EMID1: variants seen among roughly 807,000 people sequenced by gnomAD.
The protein encoded by EMID1 is EMI domain-containing protein 1.
A neutral mutation model predicts 60.6 loss-of-function variants in EMID1; 40 were observed. That is an observed-to-expected ratio of 0.66 (90% CI 0.51 to 0.86). The LOEUF is 0.86. Ranked by LOEUF, EMID1 falls within the 40% of genes least tolerant of loss-of-function variation. The pLI is 0.00. For missense variants in EMID1, 585 were observed against 597.1 expected (o/e 0.98, Z 0.21); for synonymous variants, 242 against 231.0 (o/e 1.05, Z -0.43).
At chr22:29,208,245 T>G (rs2039750251) in intron 1 of EMID1, among the ~76,000 whole-genome samples, 1 of 152,156 alleles carries the variant, frequency 6.6e-6, no homozygotes, top group Non-Finnish European at 1.5e-5. Context: ...AGGCACCCCT[T>G]GGCAGCCAAG....
At chr22:29,207,292 G>C (rs996633463) in intron 1 of EMID1, among the ~76,000 whole-genome samples, 6 of 152,346 alleles carry the variant, frequency 3.9e-5, no homozygotes, top group African/African-American at 1.4e-4. Context: ...ACCACCTATT[G>C]TGTGCAGACA....
At chr22:29,216,205 TGTGTGTACC>T (rs2040076991) in intron 3 of EMID1, 6 of 653,170 alleles carry the variant, frequency 9.2e-6, no homozygotes, top group Non-Finnish European at 1.1e-5. Context: ...CTGGCTTCAC[TGTGTGTACC>T]TCTGGGTGGC....
intron 12 of EMID1, among the ~76,000 whole-genome samples, chr22:29,238,093 T>G (rs1252575629): frequency 7.0e-6 from 1 of 143,074 alleles, no homozygotes; most frequent in Non-Finnish European, 1.5e-5. Flanking sequence ...TGTGTTTTTT[T>G]CCTCTCAATA....
intron 13 of EMID1, among the ~76,000 whole-genome samples, chr22:29,248,379 C>T (rs2041407753): frequency 6.6e-6 from 1 of 151,692 alleles, no homozygotes; most frequent in Non-Finnish European, 1.5e-5. Flanking sequence ...TCTCCATGTC[C>T]ACCTCTTGTC....
chr22:29,234,894 A>C (rs922192054), intron 12 of EMID1, among the ~76,000 whole-genome samples: 1 of 151,838 alleles, frequency 6.6e-6, no homozygotes, highest in African/African-American at 2.4e-5. Context: ...TTATATTTAA[A>C]GTGCATCATG....
intron 5 of EMID1, among the ~76,000 whole-genome samples, chr22:29,227,695 ACT>A (rs1301960477): frequency 8.6e-6 from 1 of 115,968 alleles, no homozygotes; most frequent in African/African-American, 3.5e-5. Context: ...ACAGAGCGAG[ACT>A]CTGTCTCAAA....
chr22:29,248,207 C>CA (rs1023608305), intron 13 of EMID1, among the ~76,000 whole-genome samples: 3 of 150,366 alleles, frequency 2.0e-5, no homozygotes, highest in Non-Finnish European at 4.4e-5. Flanking sequence ...GATCCGCCTG[C>CA]TTCGGTCTCC....
At chr22:29,239,451 C>T (rs984596518) in intron 12 of EMID1, among the ~76,000 whole-genome samples, 6 of 152,212 alleles carry the variant, frequency 3.9e-5, no homozygotes, top group African/African-American at 2.4e-5. Flanking sequence ...ATTTCCATCT[C>T]TCTGCTTATA....
intron 14 of EMID1, among the ~76,000 whole-genome samples, chr22:29,257,463 T>A (rs1356951216): frequency 6.6e-6 from 1 of 152,168 alleles, no homozygotes; most frequent in African/African-American, 2.4e-5. Context: ...CAGAGGCTCC[T>A]GTGACTGCTT....
chr22:29,226,426 T>C (rs1443267574), intron 4 of EMID1, 64 bp from the exon 5 acceptor site: 3 of 1,548,246 alleles, frequency 1.9e-6, no homozygotes, highest in Non-Finnish European at 1.8e-6. Flanking sequence ...CCCCAGAGAC[T>C]GAAGGGTTCT....
intron 1 of EMID1, among the ~76,000 whole-genome samples, chr22:29,209,332 G>A (rs1365283783): frequency 6.6e-6 from 1 of 152,092 alleles, no homozygotes; most frequent in Non-Finnish European, 1.5e-5. Flanking sequence ...GTGGGCAGAA[G>A]TGTTGGGCCC....
intron 7 of EMID1, 105 bp from the exon 8 acceptor site, chr22:29,232,151 C>A (rs1196622275): frequency 7.3e-7 from 1 of 1,375,184 alleles, no homozygotes; most frequent in African/African-American, 1.4e-5. Context: ...ACTCCGGGGC[C>A]CTCTCTCATG....
At chr22:29,221,530 A>T (rs2040300238) in intron 3 of EMID1, among the ~76,000 whole-genome samples, 1 of 152,008 alleles carries the variant, frequency 6.6e-6, no homozygotes, top group South Asian at 2.1e-4. Context: ...GTCTGCCACC[A>T]CACCTGGCTA....
chr22:29,232,024 A>G (rs903237703), intron 7 of EMID1: 4 of 596,362 alleles, frequency 6.7e-6, no homozygotes, highest in Non-Finnish European at 8.9e-6. Context: ...CAGGGTTTCT[A>G]TGAGGGGTTT....
intron 14 of EMID1, chr22:29,255,363 TAATGGCAGGGC>T: frequency 6.8e-7 from 1 of 1,478,706 alleles, no homozygotes; most frequent in African/African-American, 1.4e-5. Context: ...TCTGGCCAGG[TAATGGCAGGGC>T]GGGCAGGCAG....
chr22:29,240,496 T>C (rs1205254176), intron 12 of EMID1, among the ~76,000 whole-genome samples: 7 of 152,122 alleles, frequency 4.6e-5, no homozygotes, highest in African/African-American at 1.7e-4. Context: ...TGCCACACCG[T>C]AATCTAAGCC....
intron 1 of EMID1, among the ~76,000 whole-genome samples, chr22:29,207,663 G>A (rs2039724764): frequency 6.6e-6 from 1 of 152,160 alleles, no homozygotes; most frequent in South Asian, 2.1e-4. Flanking sequence ...GGTCACTGGG[G>A]ACTGTCACTC....
chr22:29,223,022 C>T (rs148600892), intron 3 of EMID1, among the ~76,000 whole-genome samples: 1,906 of 152,118 alleles, frequency 0.013, 63 homozygotes, highest in African/African-American at 0.044. Context: ...ACCCAGGAGG[C>T]GGAGGTTGCA....
chr22:29,236,475 G>A (rs550334601), intron 12 of EMID1, among the ~76,000 whole-genome samples: 1 of 152,270 alleles, frequency 6.6e-6, no homozygotes, highest in African/African-American at 2.4e-5. Context: ...GGGATCACCT[G>A]AGGTCAGGAG....
Sources: allele counts gnomAD v4.1 joint callset (sites outside exome capture counted in the v4.1 genomes callset), GRCh38; gene constraint gnomAD v4.1.1; transcripts MANE v1.5; gene names NCBI Gene and HGNC (gene_info 2026-07-23, HGNC 2026-07-21).